The following TRPV3 variants were observed in gnomAD, a reference collection of about 807,000 sequenced individuals.
TRPV3 encodes the protein transient receptor potential cation channel subfamily V member 3.
A neutral mutation model predicts 87.1 loss-of-function variants in TRPV3; 88 were observed. The ratio of observed to expected loss-of-function variants is 1.01; its 90% confidence interval spans 0.85 to 1.21. TRPV3 has a LOEUF of 1.21. Among genes scored for constraint, TRPV3 ranks in the 50% most tolerant of loss-of-function variants. TRPV3 has a pLI of 0.00. For missense variants in TRPV3, 1,054 were observed against 1,030.1 expected (o/e 1.02, Z -0.32); for synonymous variants, 438 against 423.3 (o/e 1.03, Z -0.43).
rs115868646 is a variant in TRPV3, at chr17:3,533,036, G to C, written c.785-99C>G. The C allele has an allele frequency of 3.7e-3, 5,109 of 1,389,488 alleles. 196 individuals carry two copies. The African/African-American group carries it at 0.066, about 18-fold the overall frequency. The allele number at this position is 1,389,488 out of a possible 1,614,324, so 86.1% of individuals were successfully genotyped here. The stretch of plus-strand genomic sequence containing the variant: ...GCCCATATCCTATCTCAGCAGGATG[G>C]GCACCTCAGGTTCCCTAGCCCTCTC... On this transcript the variant is annotated intron_variant, in intron 7 of 17. Coordinates refer to ENST00000576742, the MANE Select transcript of TRPV3 (RefSeq NM_145068.4).
chr17:3,532,993 C>T (rs1028986012), intron 7 of TRPV3, 56 bp from the exon 8 acceptor site: 2 of 1,592,674 alleles, frequency 1.3e-6, no homozygotes, highest in Non-Finnish European at 1.7e-6. Flanking sequence ...GCAGCGTCCC[C>T]CAAGCCCCAG....
intron 13 of TRPV3, among the ~76,000 whole-genome samples, chr17:3,522,561 C>G (rs906821349): frequency 1.3e-5 from 2 of 151,346 alleles, no homozygotes; most frequent in Admixed American, 1.3e-4. Flanking sequence ...ATTCCCCCCC[C>G]CACCCCCCAG....
intron 4 of TRPV3, among the ~76,000 whole-genome samples, chr17:3,544,336 T>C (rs1844212751): frequency 6.6e-6 from 1 of 152,162 alleles, no homozygotes; most frequent in Admixed American, 6.5e-5. Flanking sequence ...AATGGTGTCG[T>C]GCTACAGTTC....
In TRPV3 at chr17:3,555,776, T is replaced by TGG. The variant is rs567965309; in HGVS notation, c.-2-926_-2-925dup. 4.5e-3 allele frequency among the ~76,000 whole-genome samples: 674 copies of TGG among 150,072 alleles called. 3 individuals carry two copies. Among genetic ancestry groups the TGG allele is most frequent in the African/African-American group, 0.016 (638 of 40,834 alleles). On this transcript the variant is annotated intron_variant, in intron 1 of 17. Coordinates refer to ENST00000576742, the MANE Select transcript of TRPV3 (RefSeq NM_145068.4). ...CTGGGAGGGTCAGGAGTGGCAGGAGTGGGGGGAGCTGCTGTGGCCAGAGAA... is the reference window on the plus strand; with the variant it reads ...CTGGGAGGGTCAGGAGTGGCAGGAGTGGGGGGGGAGCTGCTGTGGCCAGAGAA...
chr17:3,517,916 T>C (rs2150779681), intron 15 of TRPV3, among the ~76,000 whole-genome samples: 1 of 151,534 alleles, frequency 6.6e-6, no homozygotes, highest in African/African-American at 2.4e-5. Flanking sequence ...CCTCCTGGGT[T>C]CAAGCGATCC....
intron 2 of TRPV3, 69 bp downstream of exon 2, chr17:3,554,663 G>GC: frequency 8.6e-7 from 1 of 1,156,600 alleles, no homozygotes; most frequent in Non-Finnish European, 1.3e-6. Flanking sequence ...GGCTCCCTGG[G>GC]GGGGTGCCAG....
At chr17:3,519,902 TTAGA>T (rs1304141784) in intron 14 of TRPV3, among the ~76,000 whole-genome samples, 2 of 23,858 alleles carry the variant, frequency 8.4e-5, no homozygotes, top group Admixed American at 3.9e-4. Context: ...GGATGGATGA[TTAGA>T]TGGATGGATG....
chr17:3,519,672 C>T (rs377461716), intron 14 of TRPV3, among the ~76,000 whole-genome samples: 3 of 60,512 alleles, frequency 5.0e-5, no homozygotes, highest in Admixed American at 2.0e-4. Context: ...ACTGATTGAT[C>T]GATGGATGGA....
Position 3,523,405 on chromosome 17 carries a change from A to G in TRPV3, c.1743+793T>C, listed in dbSNP as rs532391201. On this transcript the variant is annotated intron_variant, in intron 13 of 17. Transcript: ENST00000576742. ...TCAATTGCAACCAAAAGTTGACAACAAAAACTAGAATTCAATAAAAAGCAA... is the reference window on the plus strand; with the variant it reads ...TCAATTGCAACCAAAAGTTGACAACGAAAACTAGAATTCAATAAAAAGCAA... 1.1e-3 allele frequency among the ~76,000 whole-genome samples: 167 copies of G among 152,284 alleles called. 1 individual carries two copies. Among genetic ancestry groups the G allele is most frequent in the African/African-American group, 3.9e-3 (163 of 41,564 alleles).
intron 4 of TRPV3, among the ~76,000 whole-genome samples, chr17:3,544,132 C>T (rs2074496546): frequency 6.6e-6 from 1 of 150,528 alleles, no homozygotes; most frequent in Non-Finnish European, 1.5e-5. Context: ...CCTCAGCCTC[C>T]TCAGTAGCTG....
chr17:3,518,470 T>C lies in TRPV3; in HGVS notation c.2085+106A>G. The C allele has an allele frequency of 7.5e-7, 1 of 1,333,740 alleles. No homozygotes were observed. The highest frequency in any genetic ancestry group is 2.7e-5 in the Admixed American group (1 of 37,670). 82.6% of individuals were successfully genotyped at this position (1,333,740 alleles called of 1,614,324 possible). ...CCACACACTGAGGAGCTTGTGCAGA[T>C]TCTCAGGCCCCACCTCAGACCCACT... On this transcript the variant is annotated intron_variant, in intron 15 of 17. Coordinates refer to ENST00000576742, the MANE Select transcript of TRPV3 (RefSeq NM_145068.4). This position sits in a 1 kb window ranked among gnomAD's most constrained non-coding sequence, Gnocchi z 4.3.
At chr17:3,529,231 G>A (rs529883847) in intron 9 of TRPV3, among the ~76,000 whole-genome samples, 26 of 152,230 alleles carry the variant, frequency 1.7e-4, no homozygotes, top group Admixed American at 5.9e-4. Flanking sequence ...AGGAGGACCC[G>A]ATGCACAGCA....
chr17:3,542,713 A>C lies in TRPV3; in HGVS notation c.467-15T>G. The C allele has an allele frequency of 6.2e-7, 1 of 1,611,644 alleles. No individual in the cohort carries two copies. On this transcript the variant is annotated splice_polypyrimidine_tract_variant and intron_variant, in intron 5 of 17. Transcript: ENST00000576742. The stretch of plus-strand genomic sequence containing the variant: ...CATGAGGAAGTCTGCAGGCAGGGCC[A>C]TGGGTGGAGTTACAGGAGGGCCCCG...
intron 13 of TRPV3, 93 bp downstream of exon 13, chr17:3,524,105 G>T: frequency 6.6e-7 from 1 of 1,507,354 alleles, no homozygotes; most frequent in Non-Finnish European, 9.0e-7. Flanking sequence ...CCTGCCCCTT[G>T]GTAAACCCCT....
In TRPV3 at chr17:3,514,026, A is replaced by AT. The variant is rs2074148238; in HGVS notation, c.2279-16_2279-15insA. 2.5e-6 allele frequency: 4 copies of AT among 1,590,026 alleles called. No homozygotes were observed. Among genetic ancestry groups the AT allele is most frequent in the African/African-American group, 2.7e-5 (2 of 73,610 alleles). ...TTTGTTGAAATCTGCTTTTTAAAAA[A>AT]ATATATATTTTAGAAATATATCACT... On this transcript the variant is annotated splice_polypyrimidine_tract_variant and intron_variant, in intron 17 of 17. Coordinates refer to ENST00000576742, the MANE Select transcript of TRPV3 (RefSeq NM_145068.4).
rs571159602 is a variant in TRPV3, at chr17:3,512,474, G to A, written c.*1443C>T. 8 of 152,202 alleles carry A rather than the reference G, an allele frequency of 5.3e-5. No individual in the cohort carries two copies. Among genetic ancestry groups the A allele is most frequent in the Non-Finnish European group, 1.2e-4 (8 of 68,044 alleles). 9.4% of individuals were successfully genotyped at this position (152,202 alleles called of 1,614,324 possible). On this transcript the variant is annotated 3_prime_UTR_variant, in exon 18 of 18. Transcript: ENST00000576742. ...GCCCCGACTCTTCAGTTTGCCTCAA[G>A]CCAGATGAACTTATCTATCGCCATG...
intron 2 of TRPV3, among the ~76,000 whole-genome samples, chr17:3,551,870 CTTTT>C (rs747932928): frequency 2.7e-3 from 115 of 43,318 alleles, no homozygotes; most frequent in African/African-American, 8.4e-3. Flanking sequence ...GTAATTTATT[CTTTT>C]TTTTTTTTTT....
intron 13 of TRPV3, among the ~76,000 whole-genome samples, chr17:3,523,893 TAC>T (rs1247800485): frequency 2.0e-5 from 3 of 147,900 alleles, no homozygotes; most frequent in Admixed American, 6.7e-5. Flanking sequence ...ATATTCCACC[TAC>T]ACACACACAC....
Position 3,518,744 on chromosome 17 carries a change from C to A in TRPV3, c.1917G>T (p.Leu639=). 6.2e-7 allele frequency: 1 copy of A among 1,613,942 alleles called. No individual in the cohort carries two copies. Among genetic ancestry groups the A allele is most frequent in the Non-Finnish European group, 8.5e-7 (1 of 1,179,908 alleles). ...AGTTCTGCTGGATGTTCAGGTCACC[C>A]AGGCCTATGGTGAGCTTGAAGAGTT... ...VLELFKLTIG[L]GDLNIQQNSK... Residue 639 remains leucine (L), a synonymous_variant, in exon 15 of 18, where the codon CTG becomes CTT. Coordinates refer to ENST00000576742, the MANE Select transcript of TRPV3 (RefSeq NM_145068.4). This position sits in a 1 kb window ranked among gnomAD's most constrained non-coding sequence, Gnocchi z 4.3.
Sources: allele counts gnomAD v4.1 joint callset (sites outside exome capture counted in the v4.1 genomes callset), GRCh38; gene constraint gnomAD v4.1.1; non-coding constraint Gnocchi (gnomAD v3.1); transcripts MANE v1.5; gene names NCBI Gene and HGNC (gene_info 2026-07-23, HGNC 2026-07-21).